ITPR2: variants seen among roughly 807,000 people sequenced by gnomAD.
The protein encoded by ITPR2 is inositol 1,4,5-trisphosphate-gated calcium channel ITPR2.
ITPR2 carries 207 observed loss-of-function variants against 317.1 expected under a neutral mutation model. That is an observed-to-expected ratio of 0.65 (90% confidence interval 0.58 to 0.73). The LOEUF (loss-of-function observed/expected upper bound fraction) is 0.73, where lower values mean the gene tolerates loss of function less well. Among genes scored for constraint, ITPR2 ranks in the 30% least tolerant of loss-of-function variants. The pLI is 0.00. For synonymous variants in ITPR2, 1,156 were observed against 1,149.1 expected, an observed-to-expected ratio of 1.01 and a Z score of -0.12; for missense variants, 2,613 against 3,284.0, an observed-to-expected ratio of 0.80 and a Z score of 4.99.
intron 2 of ITPR2, among the ~76,000 whole-genome samples, chr12:26,768,162 A>G (rs1325709992): frequency 6.6e-6 from 1 of 151,856 alleles, no homozygotes; most frequent in Non-Finnish European, 1.5e-5. Context: ...GCAAACCAGC[A>G]TGGCACATGT....
intron 37 of ITPR2, among the ~76,000 whole-genome samples, chr12:26,500,864 T>A (rs193169541): frequency 6.6e-6 from 1 of 152,320 alleles, no homozygotes. Flanking sequence ...TTTGCCTTAA[T>A]GGGGAGTTAA....
intron 21 of ITPR2, among the ~76,000 whole-genome samples, chr12:26,640,126 A>T (rs1446063615): frequency 6.6e-6 from 1 of 152,198 alleles, no homozygotes; most frequent in Non-Finnish European, 1.5e-5. Flanking sequence ...ACTTGAAGAC[A>T]TCAGATGCTG....
intron 32 of ITPR2, among the ~76,000 whole-genome samples, chr12:26,586,808 T>G (rs1341456986): frequency 1.3e-5 from 2 of 152,162 alleles, no homozygotes; most frequent in Non-Finnish European, 2.9e-5. Flanking sequence ...AATCCAAGGG[T>G]GGGTAAAATA....
intron 52 of ITPR2, among the ~76,000 whole-genome samples, chr12:26,406,835 T>A (rs1940369259): frequency 6.6e-6 from 1 of 152,184 alleles, no homozygotes; most frequent in Non-Finnish European, 1.5e-5. Flanking sequence ...ATCAAATCCA[T>A]AACATTTTCA....
chr12:26,533,768 C>T (rs1015893900), intron 37 of ITPR2, among the ~76,000 whole-genome samples: 2 of 152,086 alleles, frequency 1.3e-5, no homozygotes, highest in African/African-American at 4.8e-5. Flanking sequence ...CTCTCCTGGC[C>T]CTTGGAAGGA....
intron 2 of ITPR2, among the ~76,000 whole-genome samples, chr12:26,787,458 C>G (rs1950274738): frequency 6.6e-6 from 1 of 152,140 alleles, no homozygotes; most frequent in Non-Finnish European, 1.5e-5. Flanking sequence ...AATATGAGAC[C>G]AAGTATCAGC....
intron 45 of ITPR2, among the ~76,000 whole-genome samples, chr12:26,464,696 G>A (rs1942125530): frequency 6.6e-6 from 1 of 152,204 alleles, no homozygotes; most frequent in South Asian, 2.1e-4. Context: ...CCTAACTCCT[G>A]CCTTTATGAA....
intron 13 of ITPR2, among the ~76,000 whole-genome samples, chr12:26,671,395 C>A (rs1479844661): frequency 1.3e-5 from 2 of 152,106 alleles, no homozygotes; most frequent in Non-Finnish European, 2.9e-5. Context: ...GGCCAATATT[C>A]AACATTCTTA....
rs879893572 is a variant in ITPR2 at position 26,751,345 on chromosome 12, T to TA, written c.164-25581dup. Among the ~76,000 whole-genome samples the TA allele has an allele frequency of 8.8e-4, 133 of 151,152 alleles. 1 individual carries two copies. Among genetic ancestry groups the TA allele is most frequent in the Non-Finnish European group, 1.2e-3 (80 of 67,730 alleles). On this transcript the variant is annotated intron_variant, in intron 2 of 56. Transcript: ENST00000381340. Reference sequence around the variant, plus strand: ...GTACCCACGAACCTAAAATAAATGTTAAAAAAAAAGTTGAAAGGTCATTGT... The same window carrying TA: ...GTACCCACGAACCTAAAATAAATGTTAAAAAAAAAAGTTGAAAGGTCATTGT...
In ITPR2 at chr12:26,382,965, T is replaced by C. The variant is rs368539361; in HGVS notation, c.7857+4469A>G. On this transcript the variant is annotated intron_variant, in intron 55 of 56. Transcript: ENST00000381340. The stretch of plus-strand genomic sequence containing the variant: ...TATGGCTTGGATATGGTTTGTCTCC[T>C]CCAAACCTCATGTTGAAATTTGATC... Among the ~76,000 whole-genome samples, 93 of 152,330 alleles carry C rather than the reference T, an allele frequency of 6.1e-4. No individual in the cohort carries two copies. In the East Asian group the frequency reaches 0.011, roughly 18 times the overall value.
At chr12:26,443,930 A>G (rs141599220) in intron 45 of ITPR2, among the ~76,000 whole-genome samples, 405 of 152,326 alleles carry the variant, frequency 2.7e-3, no homozygotes, top group Non-Finnish European at 5.0e-3. Context: ...GACACTGTCT[A>G]TAGTAAATTT....
At chr12:26,676,477 TAAAAA>T (rs75516235) in intron 13 of ITPR2, among the ~76,000 whole-genome samples, 1 of 131,448 alleles carries the variant, frequency 7.6e-6, no homozygotes, top group Non-Finnish European at 1.6e-5. Flanking sequence ...ACTCTGTCTC[TAAAAA>T]AAAAAAAAAA....
chr12:26,772,065 G>A lies in ITPR2; in HGVS notation c.163+18092C>T, dbSNP rs186843333. Among the ~76,000 whole-genome samples, 353 of 152,096 alleles carry A rather than the reference G, an allele frequency of 2.3e-3. 3 individuals carry two copies. The highest frequency in any genetic ancestry group is 3.2e-3 in the Non-Finnish European group (218 of 67,994). On this transcript the variant is annotated intron_variant, in intron 2 of 56. Coordinates refer to ENST00000381340, the MANE Select transcript of ITPR2 (RefSeq NM_002223.4). ...TACCGTGTAACAGCTGCAGAAGACC[G>A]AACGGATTGGGGTAAAGGCTTGGCA...
chr12:26,377,333 C>G (rs1939376013), intron 55 of ITPR2, among the ~76,000 whole-genome samples: 1 of 152,208 alleles, frequency 6.6e-6, no homozygotes, highest in Non-Finnish European at 1.5e-5. Flanking sequence ...GAATCTGCCT[C>G]AACTCTGCAT....
At chr12:26,641,536 G>T (rs1021575421) in intron 21 of ITPR2, among the ~76,000 whole-genome samples, 28 of 152,046 alleles carry the variant, frequency 1.8e-4, no homozygotes, top group African/African-American at 5.8e-4. Context: ...TATGATCTTA[G>T]GCAAAGTATA....
At chr12:26,443,481 A>C in intron 46 of ITPR2, 62 bp downstream of exon 46, 1 of 1,319,070 alleles carries the variant, frequency 7.6e-7, no homozygotes. Flanking sequence ...AAAATGGTCT[A>C]AAATAGGAAG....
At chr12:26,589,862 ACACAC>A (rs1945655100) in intron 32 of ITPR2, among the ~76,000 whole-genome samples, 1 of 59,222 alleles carries the variant, frequency 1.7e-5, no homozygotes, top group Non-Finnish European at 4.3e-5. Context: ...ATACACACAC[ACACAC>A]ACACACACAC....
chr12:26,344,344 G>A (rs1308413427), intron 55 of ITPR2, among the ~76,000 whole-genome samples: 2 of 152,144 alleles, frequency 1.3e-5, no homozygotes, highest in Non-Finnish European at 2.9e-5. Flanking sequence ...GTTGGGGCAG[G>A]GGGATTTGGG....
chr12:26,675,010 C>T (rs1027108324), intron 13 of ITPR2, among the ~76,000 whole-genome samples: 1 of 152,132 alleles, frequency 6.6e-6, no homozygotes, highest in Non-Finnish European at 1.5e-5. Context: ...TCATCTCACA[C>T]CAGTTAGAAT....
Sources: gnomAD v4.1 joint callset for allele counts (sites outside exome capture counted in the v4.1 genomes callset) on GRCh38, gnomAD v4.1.1 for gene constraint, MANE v1.5 for transcripts, NCBI Gene and HGNC (gene_info 2026-07-23, HGNC 2026-07-21) for gene names.